Variants in ANK3 observed in about 807,000 individuals in gnomAD.
ANK3 encodes ankyrin 3.
A neutral mutation model predicts 370.9 loss-of-function variants in ANK3; 57 were observed. That is an observed-to-expected ratio of 0.15 (90% CI 0.12 to 0.19). The LOEUF (loss-of-function observed/expected upper bound fraction) is 0.19. Ranked by LOEUF, ANK3 falls within the 10% of genes least tolerant of loss-of-function variation. The pLI, the probability that ANK3 is intolerant of heterozygous loss-of-function variation, is 1.00. For synonymous variants in ANK3, 1,929 were observed against 1,946.3 expected, an observed-to-expected ratio of 0.99 and a Z score of 0.23; for missense variants, 4,439 against 5,302.1, an observed-to-expected ratio of 0.84 and a Z score of 5.06.
At chr10:60,588,895 G>A (rs1567167158) in intron 2 of ANK3, among the ~76,000 whole-genome samples, 1 of 152,154 alleles carries the variant, frequency 6.6e-6, no homozygotes, top group African/African-American at 2.4e-5. Flanking sequence ...GGAAGGCAGA[G>A]TGAGACCCTG....
chr10:60,348,184 C>G (rs1459175145), intron 1 of ANK3, among the ~76,000 whole-genome samples: 1 of 152,086 alleles, frequency 6.6e-6, no homozygotes, highest in Non-Finnish European at 1.5e-5. Context: ...CATCTTGCCT[C>G]TGCTATTTCA....
intron 24 of ANK3, chr10:60,138,441 C>T (rs2094442581): frequency 5.4e-6 from 2 of 367,532 alleles, no homozygotes; most frequent in East Asian, 7.8e-5. Context: ...TTACATGTCC[C>T]TTGTAAACAA....
chr10:60,607,104 T>C (rs923880004), intron 2 of ANK3, among the ~76,000 whole-genome samples: 3 of 152,226 alleles, frequency 2.0e-5, no homozygotes, highest in Admixed American at 2.0e-4. Flanking sequence ...TTAATCAGCC[T>C]TCCTGTCCAT....
chr10:60,237,069 T>C (rs1446564934), intron 7 of ANK3, among the ~76,000 whole-genome samples: 4 of 152,256 alleles, frequency 2.6e-5, no homozygotes, highest in Admixed American at 1.3e-4. Flanking sequence ...AGCTTTCGAC[T>C]GTGTATAACA....
chr10:60,350,472 TAAG>T (rs999460201), intron 1 of ANK3, among the ~76,000 whole-genome samples: 4 of 152,156 alleles, frequency 2.6e-5, no homozygotes, highest in African/African-American at 9.7e-5. Flanking sequence ...ACAGGACAGA[TAAG>T]AAGTAATTTA....
chr10:60,265,686 G>A (rs146806806), intron 5 of ANK3, among the ~76,000 whole-genome samples: 605 of 152,190 alleles, frequency 4.0e-3, no homozygotes, highest in Non-Finnish European at 6.1e-3. Flanking sequence ...ACACATAGGA[G>A]CACATATGCA....
chr10:60,334,961 A>G (rs2052431373), intron 1 of ANK3, among the ~76,000 whole-genome samples: 1 of 152,114 alleles, frequency 6.6e-6, no homozygotes, highest in Non-Finnish European at 1.5e-5. Context: ...GGTTTGAAAC[A>G]CTGTACTGGC....
chr10:60,267,928 G>A (rs1333136699), intron 5 of ANK3, among the ~76,000 whole-genome samples: 2 of 152,214 alleles, frequency 1.3e-5, no homozygotes, highest in African/African-American at 4.8e-5. Context: ...GACACAATGT[G>A]TGTATCGTAG....
rs997480857 is a variant in ANK3 at position 60,497,759 on chromosome 10, C to T, written c.96+117427G>A. 2.6e-5 allele frequency among the ~76,000 whole-genome samples: 4 copies of T among 152,090 alleles called. No homozygotes were observed. In the East Asian group the frequency reaches 7.7e-4, roughly 29 times the overall value. On this transcript the variant is annotated intron_variant, in intron 2 of 43. Coordinates refer to the ANK3 transcript ENST00000373827. Reference sequence around the variant, plus strand: ...AGATCCCCTTCGCAGTTTTAAAAAGCTACTCAGACAACTTTGATGCACAAA... The same window carrying T: ...AGATCCCCTTCGCAGTTTTAAAAAGTTACTCAGACAACTTTGATGCACAAA...
At chr10:60,559,108 T>C (rs1241337440) in intron 2 of ANK3, among the ~76,000 whole-genome samples, 6 of 152,184 alleles carry the variant, frequency 3.9e-5, no homozygotes, top group Admixed American at 3.9e-4. Flanking sequence ...TACTATATGC[T>C]CCATGCCTTC....
intron 23 of ANK3, among the ~76,000 whole-genome samples, chr10:60,160,171 T>TA (rs74682891): frequency 0.75 from 113,679 of 151,808 alleles, 43,244 homozygotes; most frequent in African/African-American, 0.87. Flanking sequence ...CCAGACTAAC[T>TA]AAAAAAGAGA....
chr10:60,388,473 T>C (rs985380003), intron 1 of ANK3, among the ~76,000 whole-genome samples: 1 of 152,192 alleles, frequency 6.6e-6, no homozygotes, highest in Non-Finnish European at 1.5e-5. Flanking sequence ...CAAAGACACA[T>C]AAAAATGCTT....
At chr10:60,112,094 G>A (rs1264260287) in intron 26 of ANK3, among the ~76,000 whole-genome samples, 1 of 152,182 alleles carries the variant, frequency 6.6e-6, no homozygotes, top group East Asian at 1.9e-4. Context: ...AGGTGAAGGG[G>A]AGATAACTTG....
At chr10:60,273,333 ATTTG>A (rs141943564) in intron 4 of ANK3, among the ~76,000 whole-genome samples, 2,544 of 152,220 alleles carry the variant, frequency 0.017, 77 homozygotes, top group African/African-American at 0.056. Flanking sequence ...TTTTTAAAAT[ATTTG>A]TTTATTAATA....
intron 2 of ANK3, among the ~76,000 whole-genome samples, chr10:60,604,280 T>C (rs2078102721): frequency 6.6e-6 from 1 of 152,216 alleles, no homozygotes; most frequent in Non-Finnish European, 1.5e-5. Context: ...ATCATGTTTT[T>C]ATAAGAATTC....
intron 2 of ANK3, among the ~76,000 whole-genome samples, chr10:60,560,405 C>T (rs1353537024): frequency 6.6e-6 from 1 of 152,038 alleles, no homozygotes; most frequent in South Asian, 2.1e-4. Context: ...ATTTCAAGCT[C>T]GTTCACATAA....
At chr10:60,510,485 T>C (rs1214182625) in intron 2 of ANK3, among the ~76,000 whole-genome samples, 1 of 152,120 alleles carries the variant, frequency 6.6e-6, no homozygotes, top group African/African-American at 2.4e-5. Flanking sequence ...CTTTAAAATA[T>C]AGTGTAATTC....
intron 28 of ANK3, 36 bp from the exon 29 acceptor site, chr10:60,088,394 A>T: frequency 6.4e-7 from 1 of 1,559,206 alleles, no homozygotes; most frequent in Non-Finnish European, 8.8e-7. Context: ...CCATGAGAAT[A>T]AGCATATCTA....
Position 60,084,651 on chromosome 10 carries a change from A to T in ANK3, c.4025T>A (p.Leu1342Ter). 6.2e-7 allele frequency: 1 copy of T among 1,613,914 alleles called. No individual in the cohort carries two copies. The highest frequency in any genetic ancestry group is 8.5e-7 in the Non-Finnish European group (1 of 1,179,948). ...TTCCTCAAAATTCTCTTGTTGCTCTAAAGTTTTGTCCACTTTGTCATCTGT... is the reference window on the plus strand; with the variant it reads ...TTCCTCAAAATTCTCTTGTTGCTCTTAAGTTTTGTCCACTTTGTCATCTGT... ...CMTDDKVDKT[L>*]EQQENFEEVA... Residue 1342 changes from leucine (L) to a stop codon, truncating the protein, a stop_gained, in exon 32 of 44, where the codon TTA becomes TAA. Coordinates refer to ENST00000280772, the MANE Select transcript of ANK3 (RefSeq NM_020987.5). LOFTEE classifies it high-confidence loss of function.
Sources: allele counts gnomAD v4.1 joint callset (sites outside exome capture counted in the v4.1 genomes callset), GRCh38; gene constraint gnomAD v4.1.1; transcripts MANE v1.5; gene names NCBI Gene and HGNC (gene_info 2026-07-23, HGNC 2026-07-21).